NDUFS4: variants seen among roughly 807,000 people sequenced by gnomAD.
NDUFS4 encodes NADH dehydrogenase [ubiquinone] iron-sulfur protein 4, mitochondrial.
A neutral mutation model predicts 24.3 loss-of-function variants in NDUFS4; 28 were observed. That is an observed-to-expected ratio of 1.15 (90% CI 0.85 to 1.58). The LOEUF is 1.58. Among genes scored for constraint, NDUFS4 ranks in the 40% most tolerant of loss-of-function variants. NDUFS4 has a pLI of 0.00. For synonymous variants in NDUFS4, 93 were observed against 69.7 expected, an observed-to-expected ratio of 1.34 and a Z score of -1.67; for missense variants, 223 against 207.9, an observed-to-expected ratio of 1.07 and a Z score of -0.45.
At chr5:53,587,130 T>G (rs1436084239) in intron 1 of NDUFS4, among the ~76,000 whole-genome samples, 2 of 151,976 alleles carry the variant, frequency 1.3e-5, no homozygotes, top group African/African-American at 4.8e-5. Flanking sequence ...GGCCGAGTTA[T>G]ATATATATAA....
intron 1 of NDUFS4, among the ~76,000 whole-genome samples, chr5:53,574,722 A>G (rs529105664): frequency 6.4e-4 from 97 of 152,230 alleles, no homozygotes; most frequent in Non-Finnish European, 1.1e-3. Context: ...TAAATTATTT[A>G]GAGGTGTTTT....
intron 2 of NDUFS4, among the ~76,000 whole-genome samples, chr5:53,617,765 C>A (rs185365067): frequency 1.3e-5 from 2 of 152,118 alleles, no homozygotes; most frequent in East Asian, 3.9e-4. Context: ...ATGGTTTATA[C>A]ATTATTACAT....
At chr5:53,641,266 C>T (rs138322723) in intron 2 of NDUFS4, among the ~76,000 whole-genome samples, 1,626 of 152,180 alleles carry the variant, frequency 0.011, 14 homozygotes, top group Middle Eastern at 0.017. Flanking sequence ...TTGACTCAGC[C>T]CTTTGCTTTT....
intron 1 of NDUFS4, among the ~76,000 whole-genome samples, chr5:53,563,659 G>A (rs1214848708): frequency 6.6e-6 from 1 of 151,856 alleles, no homozygotes; most frequent in Non-Finnish European, 1.5e-5. Flanking sequence ...CCACCACCTC[G>A]CCCAGCTAAT....
intron 2 of NDUFS4, among the ~76,000 whole-genome samples, chr5:53,605,407 A>G (rs1220275707): frequency 1.3e-5 from 2 of 152,148 alleles, no homozygotes; most frequent in African/African-American, 4.8e-5. Context: ...TAACTCTTCT[A>G]AGTTCTCTTC....
chr5:53,623,368 A>G (rs1751113204), intron 2 of NDUFS4, among the ~76,000 whole-genome samples: 3 of 152,198 alleles, frequency 2.0e-5, no homozygotes, highest in Admixed American at 2.0e-4. Context: ...TTAATAAATT[A>G]GTGATGTTGA....
chr5:53,579,910 C>G (rs1422667561), intron 1 of NDUFS4, among the ~76,000 whole-genome samples: 2 of 152,150 alleles, frequency 1.3e-5, no homozygotes, highest in African/African-American at 4.8e-5. Flanking sequence ...TGCCAACAGT[C>G]TCTAAAAGCT....
rs527498761 is a variant in NDUFS4 at position 53,627,404 on chromosome 5, C to T, written c.178-18829C>T. Among the ~76,000 whole-genome samples the T allele has an allele frequency of 2.6e-5, 4 of 152,180 alleles. No homozygotes were observed. The East Asian group carries it at 5.8e-4, about 22-fold the overall frequency. Reference sequence around the variant, plus strand: ...CATATGAAATTTAAAGTAGTTTTTTCGAATTCTGTGAAGAAAGCCAGTGGT... The same window carrying T: ...CATATGAAATTTAAAGTAGTTTTTTTGAATTCTGTGAAGAAAGCCAGTGGT... On this transcript the variant is annotated intron_variant, in intron 2 of 4. Coordinates refer to ENST00000296684, the MANE Select transcript of NDUFS4 (RefSeq NM_002495.4).
intron 1 of NDUFS4, among the ~76,000 whole-genome samples, chr5:53,571,365 A>G (rs1298773617): frequency 6.6e-6 from 1 of 152,214 alleles, no homozygotes; most frequent in Non-Finnish European, 1.5e-5. Context: ...TGTAGCATGT[A>G]CCAGTACTTT....
At position 53,623,933 on chromosome 5, in the gene NDUFS4, A is replaced by G. The variant is rs183909306; in HGVS notation, c.177+20403A>G. Among the ~76,000 whole-genome samples, 1,112 of 151,844 alleles carry G rather than the reference A, an allele frequency of 7.3e-3. 14 individuals carry two copies. The highest frequency in any genetic ancestry group is 0.026 in the African/African-American group (1,060 of 41,414). On this transcript the variant is annotated intron_variant, in intron 2 of 4. Coordinates refer to ENST00000296684, the MANE Select transcript of NDUFS4 (RefSeq NM_002495.4). ...GGGGTTTCACCATATTGGCCAGGCT[A>G]CTCTTGAATTCCTGACCTCATGATC...
At chr5:53,616,064 G>T (rs1159649670) in intron 2 of NDUFS4, among the ~76,000 whole-genome samples, 1 of 151,772 alleles carries the variant, frequency 6.6e-6, no homozygotes, top group East Asian at 1.9e-4. Flanking sequence ...GGCAGCTATA[G>T]CCTGTGCCTA....
chr5:53,670,317 C>T (rs148645389), intron 4 of NDUFS4, among the ~76,000 whole-genome samples: 3 of 152,062 alleles, frequency 2.0e-5, no homozygotes, highest in East Asian at 3.9e-4. Flanking sequence ...TCTAGATCTA[C>T]ACTATCCAAT....
intron 1 of NDUFS4, among the ~76,000 whole-genome samples, chr5:53,574,104 C>A (rs971904799): frequency 6.6e-6 from 1 of 152,082 alleles, no homozygotes; most frequent in African/African-American, 2.4e-5. Flanking sequence ...TCTTTTATTT[C>A]TTTTTCATTT....
intron 2 of NDUFS4, among the ~76,000 whole-genome samples, chr5:53,617,309 A>G (rs184246562): frequency 6.6e-6 from 1 of 151,756 alleles, no homozygotes; most frequent in African/African-American, 2.4e-5. Flanking sequence ...CTCTCTTCAC[A>G]GTTTGTATGG....
chr5:53,676,289 AT>A (rs1209280614), intron 4 of NDUFS4, among the ~76,000 whole-genome samples: 1 of 152,204 alleles, frequency 6.6e-6, no homozygotes, highest in African/African-American at 2.4e-5. Flanking sequence ...ATTCACAGTT[AT>A]GTTCTTTAAA....
intron 1 of NDUFS4, among the ~76,000 whole-genome samples, chr5:53,588,311 A>G (rs2112438274): frequency 6.6e-6 from 1 of 152,282 alleles, no homozygotes; most frequent in Non-Finnish European, 1.5e-5. Flanking sequence ...CTTCCTATGA[A>G]TTGGTCCTGC....
chr5:53,660,457 CAT>C (rs761234651), intron 4 of NDUFS4, among the ~76,000 whole-genome samples: 21 of 152,112 alleles, frequency 1.4e-4, no homozygotes, highest in Admixed American at 7.9e-4. Flanking sequence ...CCGCAGTAAA[CAT>C]ATGTGTGCAT....
chr5:53,583,627 A>G (rs190045282), intron 1 of NDUFS4, among the ~76,000 whole-genome samples: 30 of 152,338 alleles, frequency 2.0e-4, no homozygotes, highest in Admixed American at 3.9e-4. Context: ...AAATTTGTTC[A>G]ATTCTATGTA....
intron 1 of NDUFS4, among the ~76,000 whole-genome samples, chr5:53,583,987 A>G (rs964557090): frequency 3.1e-4 from 47 of 152,358 alleles, no homozygotes; most frequent in Non-Finnish European, 4.3e-4. Flanking sequence ...TGGATGATCA[A>G]TGAAAACAGA....
Sources: allele counts gnomAD v4.1 joint callset (sites outside exome capture counted in the v4.1 genomes callset), GRCh38; gene constraint gnomAD v4.1.1; transcripts MANE v1.5; gene names NCBI Gene and HGNC (gene_info 2026-07-23, HGNC 2026-07-21).